DPH6: variants seen among roughly 807,000 people sequenced by gnomAD.
DPH6 encodes diphthamine biosynthesis 6, also known as diphthine--ammonia ligase.
In DPH6, 33 loss-of-function variants were observed where a neutral mutation model predicts 38.2. That is an observed-to-expected ratio of 0.86 (90% CI 0.65 to 1.15). The LOEUF is 1.15. Ranked by LOEUF, DPH6 falls within the 50% of genes most tolerant of loss-of-function variation. DPH6 has a pLI of 0.00. For missense variants in DPH6, 325 were observed against 320.0 expected, an observed-to-expected ratio of 1.02 and a Z score of -0.12; for synonymous variants, 108 against 103.0, an observed-to-expected ratio of 1.05 and a Z score of -0.30.
chr15:35,428,079 T>C (rs989738678), intron 5 of DPH6, among the ~76,000 whole-genome samples: 5 of 152,030 alleles, frequency 3.3e-5, no homozygotes, highest in Non-Finnish European at 5.9e-5. Context: ...ATGTATCAAA[T>C]AGAATCGGAA....
chr15:35,316,556 A>T (rs2052190435), intron 3 of DPH6, among the ~76,000 whole-genome samples: 1 of 152,222 alleles, frequency 6.6e-6, no homozygotes, highest in African/African-American at 2.4e-5. Flanking sequence ...GCCAGAAAGT[A>T]TTTAAGCTGA....
chr15:35,476,307 G>A (rs1359820434), intron 3 of DPH6, among the ~76,000 whole-genome samples: 1 of 151,708 alleles, frequency 6.6e-6, no homozygotes, highest in Non-Finnish European at 1.5e-5. Flanking sequence ...TTCCAAAACT[G>A]AGCTCTTGGA....
intron 5 of DPH6, among the ~76,000 whole-genome samples, chr15:35,448,005 G>A (rs929311913): frequency 9.2e-5 from 14 of 151,984 alleles, no homozygotes; most frequent in African/African-American, 2.2e-4. Context: ...GATCAATTTA[G>A]TTACTTTGCA....
intron 3 of DPH6, among the ~76,000 whole-genome samples, chr15:35,487,245 A>T (rs2054415808): frequency 6.6e-6 from 1 of 152,178 alleles, no homozygotes; most frequent in Admixed American, 6.5e-5. Flanking sequence ...TCACAGCTCC[A>T]CTAGGCAGTG....
chr15:35,472,699 GC>G (rs1436835223), intron 3 of DPH6, among the ~76,000 whole-genome samples: 1 of 152,022 alleles, frequency 6.6e-6, no homozygotes, highest in Non-Finnish European at 1.5e-5. Context: ...GACAAAATTA[GC>G]CAAGGTAAAA....
chr15:35,412,999 G>GTGTCAT (rs71123129), intron 5 of DPH6, among the ~76,000 whole-genome samples: 70,817 of 150,768 alleles, frequency 0.47, 20,645 homozygotes, highest in Non-Finnish European at 0.64. Context: ...TGATTATGAT[G>GTGTCAT]TGTCATTGTA....
chr15:35,343,347 A>T (rs2052437004), intron 3 of DPH6, among the ~76,000 whole-genome samples: 2 of 152,120 alleles, frequency 1.3e-5, no homozygotes, highest in South Asian at 4.1e-4. Flanking sequence ...ATCCCTACTA[A>T]GCAATTCAGA....
At chr15:35,536,762 A>T (rs1039612409) in intron 3 of DPH6, among the ~76,000 whole-genome samples, 1 of 152,046 alleles carries the variant, frequency 6.6e-6, no homozygotes, top group South Asian at 2.1e-4. Flanking sequence ...CATGAGAAAG[A>T]AATTTTGAAA....
intron 3 of DPH6, among the ~76,000 whole-genome samples, chr15:35,484,450 T>G (rs1379862717): frequency 6.6e-6 from 1 of 152,238 alleles, no homozygotes; most frequent in Non-Finnish European, 1.5e-5. Context: ...TCAACTGGGA[T>G]AAGATGCACT....
intron 3 of DPH6, among the ~76,000 whole-genome samples, chr15:35,347,346 C>T (rs1029797759): frequency 1.3e-5 from 2 of 151,902 alleles, no homozygotes; most frequent in African/African-American, 2.4e-5. Flanking sequence ...AGAGATGGGG[C>T]GTCACTTTGT....
rs572375984 is a variant in DPH6, at chr15:35,487,687, G to A, written c.313-32867C>T. 9.9e-4 allele frequency among the ~76,000 whole-genome samples: 151 copies of A among 152,082 alleles called. 1 individual carries two copies. Among genetic ancestry groups the A allele is most frequent in the Non-Finnish European group, 1.7e-3 (116 of 68,014 alleles). On this transcript the variant is annotated intron_variant, in intron 3 of 8. Transcript: ENST00000256538. The stretch of plus-strand genomic sequence containing the variant: ...CTGTGAAGATCTCTGACATGCCCTG[G>A]AAACATTTTCCCCATTGTTTTGGCA...
intron 6 of DPH6, among the ~76,000 whole-genome samples, chr15:35,385,994 T>C (rs897646921): frequency 1.3e-5 from 2 of 151,910 alleles, no homozygotes; most frequent in African/African-American, 4.8e-5. Flanking sequence ...TATCCCTCCC[T>C]GCTACCCCCA....
intron 3 of DPH6, among the ~76,000 whole-genome samples, chr15:35,349,377 C>T (rs2052489448): frequency 1.3e-5 from 2 of 152,112 alleles, no homozygotes; most frequent in African/African-American, 2.4e-5. Flanking sequence ...AAAGGTATTA[C>T]ATTTTGTCAA....
intron 3 of DPH6, among the ~76,000 whole-genome samples, chr15:35,364,677 T>A (rs776482533): frequency 1.3e-5 from 2 of 152,088 alleles, no homozygotes; most frequent in Non-Finnish European, 1.5e-5. Context: ...TAGCCTGTTT[T>A]TAACCCACTT....
chr15:35,350,140 CAAAGAATTTTTATTTCTTCATGAGTCA>C (rs1173405896), intron 3 of DPH6, among the ~76,000 whole-genome samples: 2 of 152,080 alleles, frequency 1.3e-5, no homozygotes, highest in Non-Finnish European at 2.9e-5. Flanking sequence ...TATTGGTCTA[CAAAGAATTTTTATTTCTTCATGAGTCA>C]GGCTTGGTAA....
chr15:35,231,775 G>A (rs1391985918), intron 3 of DPH6, among the ~76,000 whole-genome samples: 1 of 152,172 alleles, frequency 6.6e-6, no homozygotes, highest in African/African-American at 2.4e-5. Context: ...TTTTACTTAT[G>A]GTGGCAGGGA....
At chr15:35,461,155 G>A (rs2054062271) in intron 3 of DPH6, among the ~76,000 whole-genome samples, 1 of 152,126 alleles carries the variant, frequency 6.6e-6, no homozygotes. Flanking sequence ...CGTGATCTTG[G>A]CTCACTGCAA....
At chr15:35,479,146 T>C (rs1363326290) in intron 3 of DPH6, among the ~76,000 whole-genome samples, 2 of 152,102 alleles carry the variant, frequency 1.3e-5, no homozygotes, top group Non-Finnish European at 2.9e-5. Context: ...TGTATTCAAC[T>C]GTAACAAGAT....
intron 5 of DPH6, among the ~76,000 whole-genome samples, chr15:35,430,376 TAAAC>T (rs2053617416): frequency 1.4e-5 from 2 of 147,422 alleles, no homozygotes; most frequent in East Asian, 2.0e-4. Context: ...CTTGATATGT[TAAAC>T]AACCTTCATA....
Sources: allele counts gnomAD v4.1 joint callset (sites outside exome capture counted in the v4.1 genomes callset), GRCh38; gene constraint gnomAD v4.1.1; transcripts MANE v1.5; gene names NCBI Gene and HGNC (gene_info 2026-07-23, HGNC 2026-07-21).